MGAT4C: variants seen among roughly 807,000 people sequenced by gnomAD.
The protein encoded by MGAT4C is MGAT4 family member C, also known as alpha-1,3-mannosyl-glycoprotein 4-beta-N-acetylglucosaminyltransferase C.
Under a neutral mutation model 40.1 loss-of-function variants are expected in MGAT4C, and 19 were observed. The observed-to-expected ratio is 0.47, with a 90% CI of 0.33 to 0.70. The LOEUF (loss-of-function observed/expected upper bound fraction) is 0.70. MGAT4C is among the 30% of genes least tolerant of loss of function. MGAT4C has a pLI of 0.02. For synonymous variants in MGAT4C, 181 were observed against 187.1 expected, an observed-to-expected ratio of 0.97 and a Z score of 0.27; for missense variants, 491 against 563.2, an observed-to-expected ratio of 0.87 and a Z score of 1.30.
chr12:86,081,022 T>C (rs1216279112), intron 1 of MGAT4C, among the ~76,000 whole-genome samples: 1 of 152,212 alleles, frequency 6.6e-6, no homozygotes, highest in Admixed American at 6.5e-5. Flanking sequence ...ATAAATAGAA[T>C]GGCATTTAGT....
At position 86,442,663 on chromosome 12, in the gene MGAT4C, A is replaced by G. The variant is rs145161437; in HGVS notation, c.-228-7398T>C. On this transcript the variant is annotated intron_variant, in intron 2 of 7. Transcript: ENST00000548651. Reference sequence around the variant, plus strand: ...AAAGATCAGATAGTTGTAGGTATGCAGCGTTATTTCTGAGGGCTCTGTTCT... The same window carrying G: ...AAAGATCAGATAGTTGTAGGTATGCGGCGTTATTTCTGAGGGCTCTGTTCT... Among the ~76,000 whole-genome samples, 984 of 151,920 alleles carry G rather than the reference A, an allele frequency of 6.5e-3. 11 individuals are homozygous for G. The highest frequency in any genetic ancestry group is 0.023 in the African/African-American group (941 of 41,428).
intron 1 of MGAT4C, among the ~76,000 whole-genome samples, chr12:86,251,094 T>A (rs187619025): frequency 4.1e-4 from 62 of 150,470 alleles, no homozygotes; most frequent in African/African-American, 1.4e-3. Flanking sequence ...CATGAAATTT[T>A]CACAACAAAC....
At chr12:86,005,545 T>C (rs1887784660) in intron 2 of MGAT4C, among the ~76,000 whole-genome samples, 1 of 152,078 alleles carries the variant, frequency 6.6e-6, no homozygotes, top group South Asian at 2.1e-4. Flanking sequence ...GCTTCTAGGG[T>C]TCTTAGCCTT....
intron 2 of MGAT4C, among the ~76,000 whole-genome samples, chr12:86,041,851 G>C (rs1443932556): frequency 6.6e-6 from 1 of 152,082 alleles, no homozygotes; most frequent in African/African-American, 2.4e-5. Flanking sequence ...GTTGAGTTCA[G>C]GTCCTGAATA....
At chr12:86,610,635 G>C (rs1308493815) in intron 2 of MGAT4C, among the ~76,000 whole-genome samples, 1 of 150,228 alleles carries the variant, frequency 6.7e-6, no homozygotes, top group Non-Finnish European at 1.5e-5. Flanking sequence ...TGTGCACAAC[G>C]TGCAGGTTTG....
chr12:86,014,982 T>C (rs112083754), intron 2 of MGAT4C, among the ~76,000 whole-genome samples: 11 of 148,886 alleles, frequency 7.4e-5, no homozygotes, highest in South Asian at 2.1e-4. Context: ...TTCTTTCTTT[T>C]TTTTTTTTTT....
intron 2 of MGAT4C, among the ~76,000 whole-genome samples, chr12:86,551,420 T>A (rs1205878480): frequency 1.3e-5 from 2 of 151,590 alleles, no homozygotes; most frequent in East Asian, 3.9e-4. Flanking sequence ...AGAAACAGCC[T>A]CATGGGACAT....
intron 1 of MGAT4C, among the ~76,000 whole-genome samples, chr12:86,813,361 GT>G (rs1048021724): frequency 2.0e-5 from 3 of 151,454 alleles, no homozygotes; most frequent in African/African-American, 7.3e-5. Flanking sequence ...AAATTCGTGC[GT>G]TTTTACCTTT....
intron 2 of MGAT4C, among the ~76,000 whole-genome samples, chr12:86,677,614 T>A (rs1324056741): frequency 6.6e-6 from 1 of 152,134 alleles, no homozygotes; most frequent in Non-Finnish European, 1.5e-5. Flanking sequence ...TTAATACAGA[T>A]CTCAGTATTC....
At chr12:86,731,300 C>G (rs1266051778) in intron 1 of MGAT4C, among the ~76,000 whole-genome samples, 1 of 152,022 alleles carries the variant, frequency 6.6e-6, no homozygotes. Context: ...GATTCTATTG[C>G]AATTGCATCT....
chr12:86,695,051 C>G (rs1162589255), intron 2 of MGAT4C, among the ~76,000 whole-genome samples: 1 of 152,078 alleles, frequency 6.6e-6, no homozygotes, highest in Non-Finnish European at 1.5e-5. Flanking sequence ...AATATATAAG[C>G]AGCTCAAGCA....
At chr12:86,736,113 A>C (rs1400132726) in intron 1 of MGAT4C, among the ~76,000 whole-genome samples, 5 of 151,790 alleles carry the variant, frequency 3.3e-5, no homozygotes, top group Non-Finnish European at 7.4e-5. Context: ...CTTCTGTGGT[A>C]ATTAATTCAC....
intron 1 of MGAT4C, among the ~76,000 whole-genome samples, chr12:86,161,715 G>C (rs1025501085): frequency 6.6e-6 from 1 of 152,064 alleles, no homozygotes; most frequent in Admixed American, 6.6e-5. Context: ...AGAGCAAACA[G>C]ACAACTTACT....
At chr12:86,574,399 T>C (rs1960482981) in intron 2 of MGAT4C, among the ~76,000 whole-genome samples, 1 of 151,844 alleles carries the variant, frequency 6.6e-6, no homozygotes, top group Non-Finnish European at 1.5e-5. Context: ...TACTCAATAG[T>C]TATTTCTTCA....
At chr12:86,522,883 T>G (rs1443553704) in intron 2 of MGAT4C, among the ~76,000 whole-genome samples, 2 of 152,186 alleles carry the variant, frequency 1.3e-5, no homozygotes, top group Non-Finnish European at 2.9e-5. Flanking sequence ...TTCAAGTTTA[T>G]GTTCATAGAG....
intron 1 of MGAT4C, among the ~76,000 whole-genome samples, chr12:86,764,554 C>T (rs1951468312): frequency 1.5e-5 from 1 of 68,710 alleles, no homozygotes; most frequent in East Asian, 4.4e-4. Flanking sequence ...AACGGGCAGA[C>T]TGCCTCCTCA....
At chr12:86,438,409 A>G (rs10732639) in intron 2 of MGAT4C, among the ~76,000 whole-genome samples, 135,186 of 151,908 alleles carry the variant, frequency 0.89, 60,347 homozygotes, top group East Asian at 1. Context: ...AAAAGTGCAA[A>G]GTGAAACAGC....
At position 85,981,607 on chromosome 12, in the gene MGAT4C, G is replaced by C. The variant is rs145355586; in HGVS notation, c.296-1177C>G. On this transcript the variant is annotated intron_variant, in intron 4 of 4. Coordinates refer to ENST00000611864, the MANE Select transcript of MGAT4C (RefSeq NM_001351288.2). ...TAATAGCCAATGCTTATGGAATGCTGTCTACATAAGAGGCAGGAGTTTGGG... is the reference window on the plus strand; with the variant it reads ...TAATAGCCAATGCTTATGGAATGCTCTCTACATAAGAGGCAGGAGTTTGGG... Among the ~76,000 whole-genome samples, 348 of 152,272 alleles carry C rather than the reference G, an allele frequency of 2.3e-3. 1 individual carries two copies. Among genetic ancestry groups the C allele is most frequent in the Non-Finnish European group, 3.6e-3 (245 of 68,020 alleles).
intron 1 of MGAT4C, among the ~76,000 whole-genome samples, chr12:86,747,300 T>C (rs568275034): frequency 6.6e-6 from 1 of 151,792 alleles, no homozygotes; most frequent in South Asian, 2.1e-4. Flanking sequence ...TTTTCCTAAA[T>C]GGCTTACAAA....
Sources: allele counts gnomAD v4.1 joint callset (sites outside exome capture counted in the v4.1 genomes callset), GRCh38; gene constraint gnomAD v4.1.1; transcripts MANE v1.5; gene names NCBI Gene and HGNC (gene_info 2026-07-23, HGNC 2026-07-21).